Variants in RGS7 observed in about 807,000 individuals in gnomAD.
The protein encoded by RGS7 is regulator of G-protein signaling 7.
A neutral mutation model predicts 81.1 loss-of-function variants in RGS7; 27 were observed. That is an observed-to-expected ratio of 0.33 (90% CI 0.25 to 0.46). The LOEUF is 0.46. Among genes scored for constraint, RGS7 ranks in the 20% least tolerant of loss-of-function variants. RGS7 has a pLI of 1.00. For missense variants in RGS7, 396 were observed against 607.4 expected, an observed-to-expected ratio of 0.65 and a Z score of 3.66; for synonymous variants, 208 against 207.7, an observed-to-expected ratio of 1.00 and a Z score of -0.01.
At chr1:240,797,267 C>T (rs531242855) in intron 18 of RGS7, among the ~76,000 whole-genome samples, 1 of 152,114 alleles carries the variant, frequency 6.6e-6, no homozygotes, top group Non-Finnish European at 1.5e-5. Context: ...GTCATCCTAC[C>T]CTGTTTTTCC....
chr1:241,254,447 G>A (rs1352006499), intron 2 of RGS7, among the ~76,000 whole-genome samples: 1 of 152,102 alleles, frequency 6.6e-6, no homozygotes, highest in East Asian at 1.9e-4. Flanking sequence ...AGGTCAAGGT[G>A]CCATCATGGC....
intron 3 of RGS7, among the ~76,000 whole-genome samples, chr1:241,004,530 G>C (rs1013705186): frequency 6.6e-6 from 1 of 152,128 alleles, no homozygotes; most frequent in African/African-American, 2.4e-5. Flanking sequence ...AGATTAATAG[G>C]AGAAAAAGCA....
intron 2 of RGS7, among the ~76,000 whole-genome samples, chr1:241,099,090 A>G (rs976505538): frequency 4.6e-5 from 7 of 152,370 alleles, no homozygotes; most frequent in African/African-American, 1.7e-4. Flanking sequence ...AACCATTGTC[A>G]TAGCACATTC....
intron 2 of RGS7, among the ~76,000 whole-genome samples, chr1:241,230,619 A>G (rs115566554): frequency 0.017 from 2,629 of 152,332 alleles, 76 homozygotes; most frequent in African/African-American, 0.06. Context: ...GAGTGAGCAA[A>G]AACATTAACC....
chr1:241,036,308 A>C (rs2060324070), intron 3 of RGS7, among the ~76,000 whole-genome samples: 1 of 152,260 alleles, frequency 6.6e-6, no homozygotes, highest in African/African-American at 2.4e-5. Context: ...TACACATTGA[A>C]AGAAACACAA....
At chr1:241,340,365 C>A (rs2082472653) in intron 2 of RGS7, among the ~76,000 whole-genome samples, 1 of 151,918 alleles carries the variant, frequency 6.6e-6, no homozygotes, top group Non-Finnish European at 1.5e-5. Context: ...CTAATGCTGT[C>A]CAAACTTAAG....
At chr1:240,951,228 C>T (rs578122469) in intron 4 of RGS7, among the ~76,000 whole-genome samples, 1 of 152,164 alleles carries the variant, frequency 6.6e-6, no homozygotes, top group African/African-American at 2.4e-5. Context: ...CCATGTTCAG[C>T]TTTGAATGTA....
intron 10 of RGS7, among the ~76,000 whole-genome samples, chr1:240,820,259 T>C (rs571306706): frequency 3.3e-5 from 5 of 152,316 alleles, no homozygotes; most frequent in African/African-American, 9.6e-5. Context: ...ATTTTTAGTT[T>C]TAATAGCAAG....
At chr1:240,838,273 C>G (rs1340744645) in intron 9 of RGS7, among the ~76,000 whole-genome samples, 1 of 152,176 alleles carries the variant, frequency 6.6e-6, no homozygotes, top group African/African-American at 2.4e-5. Context: ...TTGGCCTCTT[C>G]TGTAAGGGCA....
At chr1:240,895,161 T>C (rs1237888847) in intron 6 of RGS7, among the ~76,000 whole-genome samples, 2 of 152,172 alleles carry the variant, frequency 1.3e-5, no homozygotes, top group Non-Finnish European at 2.9e-5. Flanking sequence ...CCACCATGAT[T>C]GAAAGCTCCC....
chr1:241,238,422 C>T (rs2076095086), intron 2 of RGS7, among the ~76,000 whole-genome samples: 2 of 152,172 alleles, frequency 1.3e-5, no homozygotes, highest in South Asian at 4.1e-4. Context: ...GAACAAGCTA[C>T]ACTGTGCCAC....
intron 2 of RGS7, among the ~76,000 whole-genome samples, chr1:241,335,670 G>C (rs995102355): frequency 1.3e-5 from 2 of 151,030 alleles, no homozygotes; most frequent in African/African-American, 4.9e-5. Flanking sequence ...TGTTCTTAAA[G>C]AGCTCAAAAG....
At chr1:240,858,317 T>G (rs1055218425) in intron 9 of RGS7, among the ~76,000 whole-genome samples, 1 of 152,182 alleles carries the variant, frequency 6.6e-6, no homozygotes, top group Non-Finnish European at 1.5e-5. Flanking sequence ...AACTCCCAAA[T>G]TGTCTTTCAA....
At chr1:241,161,686 A>G (rs1289547875) in intron 2 of RGS7, among the ~76,000 whole-genome samples, 2 of 150,316 alleles carry the variant, frequency 1.3e-5, no homozygotes, top group South Asian at 4.2e-4. Context: ...ATACATGTAC[A>G]TTACATCTCA....
At chr1:240,834,915 TCCAC>T (rs1237230124) in intron 9 of RGS7, among the ~76,000 whole-genome samples, 2 of 103,290 alleles carry the variant, frequency 1.9e-5, no homozygotes, top group African/African-American at 1.1e-4. Context: ...GACCTTACAC[TCCAC>T]ACACACACAC....
chr1:241,349,770 G>A (rs2148733663), intron 2 of RGS7, among the ~76,000 whole-genome samples: 1 of 152,306 alleles, frequency 6.6e-6, no homozygotes, highest in East Asian at 1.9e-4. Flanking sequence ...TGGAAAGCAA[G>A]GGCCAATTAT....
At chr1:240,860,408 T>C (rs924332402) in intron 9 of RGS7, among the ~76,000 whole-genome samples, 12 of 152,180 alleles carry the variant, frequency 7.9e-5, no homozygotes, top group African/African-American at 2.9e-4. Context: ...AGACATCAAA[T>C]ATTATTATGT....
intron 2 of RGS7, among the ~76,000 whole-genome samples, chr1:241,246,820 T>A (rs2076572506): frequency 6.6e-6 from 1 of 151,824 alleles, no homozygotes; most frequent in African/African-American, 2.4e-5. Context: ...GGATGAAACA[T>A]CATGGGGGAG....
chr1:240,977,799 A>G (rs1280466309), intron 4 of RGS7, among the ~76,000 whole-genome samples: 1 of 152,182 alleles, frequency 6.6e-6, no homozygotes, highest in Non-Finnish European at 1.5e-5. Flanking sequence ...AGTACCAAAA[A>G]CAGCTGCAGT....
Sources: gnomAD v4.1 joint callset for allele counts (sites outside exome capture counted in the v4.1 genomes callset) on GRCh38, gnomAD v4.1.1 for gene constraint, MANE v1.5 for transcripts, NCBI Gene and HGNC (gene_info 2026-07-23, HGNC 2026-07-21) for gene names.